H2AJ: variants seen among roughly 807,000 people sequenced by gnomAD.
The protein encoded by H2AJ is histone H2A.J.
Under a neutral mutation model 7.9 loss-of-function variants are expected in H2AJ, and 3 were observed. The observed-to-expected ratio is 0.38, with a 90% confidence interval of 0.17 to 0.98. H2AJ has a LOEUF of 0.98. Ranked by LOEUF, H2AJ falls within the 50% of genes least tolerant of loss-of-function variation. H2AJ has a pLI of 0.39. For synonymous variants in H2AJ, 98 were observed against 85.7 expected (o/e 1.14, Z -0.79); for missense variants, 128 against 174.4 (o/e 0.73, Z 1.50).
chr12:14,774,729 G>C lies in H2AJ; in HGVS notation c.259G>C (p.Ala87Pro). Residue 87 changes from alanine (A) to proline (P), a missense_variant, in exon 1 of 1, where the codon GCC becomes CCC. Transcript: ENST00000544848. ...TRIIPRHLQL[A>P]IRNDEELNKL... ...GATAATTCCCCGCCACCTGCAGCTC[G>C]CCATCCGCAACGACGAGGAGTTAAA... The C allele has an allele frequency of 6.2e-7, 1 of 1,614,206 alleles. No individual in the cohort carries two copies. Among genetic ancestry groups the C allele is most frequent in the Non-Finnish European group, 8.5e-7 (1 of 1,180,040 alleles).
At chr12:14,775,411 AC>A (rs1949625235), downstream of H2AJ, 1 of 471,042 alleles carries the variant, frequency 2.1e-6, no homozygotes, top group Non-Finnish European at 4.4e-6. Context: ...AAGTGGAGTA[AC>A]TTTCCGTCTT....
chr12:14,777,090 G>T (rs902448485), downstream of H2AJ: 1 of 166,718 alleles, frequency 6.0e-6, no homozygotes, highest in Non-Finnish European at 1.5e-5. Context: ...TTTTGTTTTT[G>T]AGAGTTTTTT....
At chr12:14,775,178 G>T (rs1592206857), downstream of H2AJ, 1 of 486,586 alleles carries the variant, frequency 2.1e-6, no homozygotes. Flanking sequence ...GTCAGGGGAG[G>T]GTGGCCTGGA....
rs762495847 is a variant in H2AJ, at chr12:14,774,754, ACAAGCTGCTGGGCAAAGTGAC to A, written c.287_307del (p.Lys96_Thr102del). 8.7e-6 allele frequency: 14 copies of A among 1,614,058 alleles called. No individual in the cohort carries two copies. The highest frequency in any genetic ancestry group is 2.7e-5 in the African/African-American group (2 of 74,932). On this transcript the variant is annotated inframe_deletion, in exon 1 of 1. Transcript: ENST00000544848. The stretch of plus-strand genomic sequence containing the variant: ...GCCATCCGCAACGACGAGGAGTTAA[ACAAGCTGCTGGGCAAAGTGAC>A]CATCGCTCAGGGCGGCGTCCTGCCC...
downstream of H2AJ, chr12:14,775,439 T>C (rs1007792187): frequency 2.1e-6 from 1 of 471,068 alleles, no homozygotes; most frequent in African/African-American, 2.0e-5. Context: ...GTGGCTCTGA[T>C]GGCACGATGT....
chr12:14,776,404 T>C (rs1348802455), downstream of H2AJ: 2 of 167,138 alleles, frequency 1.2e-5, no homozygotes, highest in Non-Finnish European at 2.9e-5. Context: ...TACTTGTACC[T>C]CTCTGCTGTG....
At chr12:14,777,381 T>G (rs1184538183), downstream of H2AJ, 1 of 167,016 alleles carries the variant, frequency 6.0e-6, no homozygotes, top group Non-Finnish European at 1.5e-5. Flanking sequence ...AGCCGTTCAG[T>G]GTGGCTGTGG....
chr12:14,776,005 C>G (rs571634348), downstream of H2AJ: 2 of 167,218 alleles, frequency 1.2e-5, no homozygotes, highest in African/African-American at 2.4e-5. Context: ...CATCTTCTGC[C>G]CTTAATTGAC....
At chr12:14,777,748 A>G (rs1054533186), downstream of H2AJ, 3 of 167,118 alleles carry the variant, frequency 1.8e-5, no homozygotes, top group African/African-American at 7.2e-5. Context: ...AATTGAGTGA[A>G]TTAATGTGTG....
At chr12:14,775,347 C>G (rs1234574932), downstream of H2AJ, 2 of 471,284 alleles carry the variant, frequency 4.2e-6, no homozygotes, top group Non-Finnish European at 8.8e-6. Flanking sequence ...GGGAAGATAC[C>G]GTCGGATCGA....
chr12:14,775,607 T>C (rs767404752), downstream of H2AJ: 2 of 367,906 alleles, frequency 5.4e-6, no homozygotes, highest in East Asian at 1.5e-4. Flanking sequence ...CTGACAGTCA[T>C]ATTGCATAAC....
downstream of H2AJ, chr12:14,777,944 G>A (rs984096785): frequency 6.0e-6 from 1 of 167,072 alleles, no homozygotes; most frequent in Admixed American, 6.5e-5. Flanking sequence ...ACTAATTAAA[G>A]GACATCCACA....
chr12:14,774,413 G>C lies in H2AJ; in HGVS notation c.-58G>C. 2.0e-6 allele frequency: 3 copies of C among 1,519,230 alleles called. No homozygotes were observed. The highest frequency in any genetic ancestry group is 2.6e-6 in the Non-Finnish European group (3 of 1,135,380). The allele number at this position is 1,519,230 out of a possible 1,614,324, so 94.1% of individuals were successfully genotyped here. On this transcript the variant is annotated 5_prime_UTR_variant, in exon 1 of 1. Transcript: ENST00000544848. ...TTCGGGTGCGGTACGTTGCATTCCG[G>C]TACCGGACGCCGAGAGCGGTTTGTC...
chr12:14,774,961 G>A lies in H2AJ; in HGVS notation c.*101G>A, dbSNP rs1949613970. The A allele has an allele frequency of 7.3e-7, 1 of 1,372,030 alleles. No individual in the cohort carries two copies. Among genetic ancestry groups the A allele is most frequent in the Non-Finnish European group, 9.9e-7 (1 of 1,008,406 alleles). The allele number at this position is 1,372,030 out of a possible 1,614,324, so 85.0% of individuals were successfully genotyped here. A position where few individuals can be genotyped will look rare whatever the true frequency, so the allele number is the denominator to read the frequency against. On this transcript the variant is annotated 3_prime_UTR_variant, in exon 1 of 1. Transcript: ENST00000544848. Reference sequence around the variant, plus strand: ...GTGCTGGATGTCATGGAGGGCCGGTGACATCTAGCGGGGAGGTGGGCGGCG... The same window carrying A: ...GTGCTGGATGTCATGGAGGGCCGGTAACATCTAGCGGGGAGGTGGGCGGCG...
chr12:14,776,560 A>G (rs1166439866), downstream of H2AJ: 1 of 167,068 alleles, frequency 6.0e-6, no homozygotes, highest in South Asian at 2.1e-4. Context: ...TCATATGTAA[A>G]AGTCATAACA....
chr12:14,777,237 C>T (rs1229761278), downstream of H2AJ: 3 of 167,026 alleles, frequency 1.8e-5, no homozygotes, highest in East Asian at 3.8e-4. Context: ...TTTCTTTAAG[C>T]ATAAGACCAT....
At chr12:14,775,053 G>A, downstream of H2AJ, 2 of 689,320 alleles carry the variant, frequency 2.9e-6, no homozygotes, top group South Asian at 3.9e-5. Flanking sequence ...GTAGTCGCGG[G>A]GACATGTCGG....
chr12:14,777,572 G>C (rs536319835), downstream of H2AJ: 5 of 166,908 alleles, frequency 3.0e-5, no homozygotes, highest in Non-Finnish European at 7.3e-5. Context: ...GTGGTTGAAA[G>C]GTCGCATACC....
rs537748206 is a variant in H2AJ, at chr12:14,774,604, G to T, written c.134G>T (p.Gly45Val). 1 of 1,614,064 alleles carries T rather than the reference G, an allele frequency of 6.2e-7. No individual in the cohort carries two copies. The highest frequency in any genetic ancestry group is 1.7e-5 in the Admixed American group (1 of 60,020). The stretch of plus-strand genomic sequence containing the variant: ...AAAGGGAACTACGCGGAGCGAGTGG[G>T]CGCCGGGGCGCCGGTGTACCTGGCG... Reference protein sequence around the residue: ...LRKGNYAERVGAGAPVYLAAV... With the variant: ...LRKGNYAERVVAGAPVYLAAV... The change falls in exon 1 of 1, where the codon GGC (glycine) becomes GTC (valine). Residue 45 changes from glycine (G) to valine (V), a missense_variant. Gly to Val is a moderately radical substitution (Grantham distance 109). Transcript: ENST00000544848.
Sources: allele counts gnomAD v4.1 joint callset, GRCh38; gene constraint gnomAD v4.1.1; transcripts MANE v1.5; gene names NCBI Gene and HGNC (gene_info 2026-07-23, HGNC 2026-07-21).